Variants in CSNK2A1 observed in about 807,000 individuals in gnomAD.
CSNK2A1 encodes casein kinase 2 alpha 1.
A neutral mutation model predicts 62.9 loss-of-function variants in CSNK2A1; 10 were observed. That is an observed-to-expected ratio of 0.16 (90% CI 0.10 to 0.27). The LOEUF is 0.27. CSNK2A1 is among the 10% of genes least tolerant of loss of function. The pLI, the probability that CSNK2A1 is intolerant of heterozygous loss-of-function variation, is 1.00. For synonymous variants in CSNK2A1, 124 were observed against 167.8 expected (o/e 0.74, Z 2.02); for missense variants, 160 against 492.0 (o/e 0.33, Z 6.38).
At chr20:498,798 T>C (rs1459963110) in intron 6 of CSNK2A1, 2 of 152,358 alleles carry the variant, frequency 1.3e-5, no homozygotes, top group Non-Finnish European at 2.9e-5. Context: ...GTTTGTGTTA[T>C]GGCAGAATTT....
At chr20:542,145 T>C (rs2019463658) in intron 1 of CSNK2A1, among the ~76,000 whole-genome samples, 1 of 152,250 alleles carries the variant, frequency 6.6e-6, no homozygotes, top group South Asian at 2.1e-4. Flanking sequence ...CCCTTTACAG[T>C]GACAGGTAAA....
intron 2 of CSNK2A1, among the ~76,000 whole-genome samples, chr20:513,950 G>A (rs2018776189): frequency 6.6e-6 from 1 of 152,124 alleles, no homozygotes; most frequent in African/African-American, 2.4e-5. Flanking sequence ...TCAAATGGCT[G>A]GCCTTCATTA....
At chr20:525,381 A>C (rs571037469) in intron 2 of CSNK2A1, among the ~76,000 whole-genome samples, 1 of 151,884 alleles carries the variant, frequency 6.6e-6, no homozygotes, top group Admixed American at 6.6e-5. Flanking sequence ...GGCTGGGCGC[A>C]GTGGCTCACG....
At chr20:486,703 G>T (rs1457694681) in intron 12 of CSNK2A1, 2 of 481,938 alleles carry the variant, frequency 4.1e-6, no homozygotes, top group Non-Finnish European at 7.5e-6. Flanking sequence ...GAAAGATGAG[G>T]TAATTATTTA....
chr20:494,210 A>T (rs1270123966), intron 8 of CSNK2A1: 4 of 151,972 alleles, frequency 2.6e-5, no homozygotes, highest in African/African-American at 9.7e-5. Context: ...GTATTTTTTT[A>T]GTAGAGACAG....
intron 1 of CSNK2A1, among the ~76,000 whole-genome samples, chr20:532,424 G>A (rs996708642): frequency 6.7e-5 from 10 of 149,698 alleles, no homozygotes; most frequent in Admixed American, 6.1e-4. Flanking sequence ...TGATCTGCCC[G>A]CCTCGGCCTC....
chr20:539,613 C>T (rs1197762452), intron 1 of CSNK2A1: 1 of 152,208 alleles, frequency 6.6e-6, no homozygotes, highest in Non-Finnish European at 1.5e-5. Context: ...ATTAAATCTA[C>T]TTAACATATT....
chr20:511,979 G>A (rs942022332), intron 2 of CSNK2A1, among the ~76,000 whole-genome samples: 2 of 152,140 alleles, frequency 1.3e-5, no homozygotes, highest in Admixed American at 6.5e-5. Context: ...TACAGCAACT[G>A]TATCATTTTA....
At chr20:535,204 A>G (rs1315645048) in intron 1 of CSNK2A1, among the ~76,000 whole-genome samples, 1 of 152,108 alleles carries the variant, frequency 6.6e-6, no homozygotes. Context: ...AAAAAAATTA[A>G]CAACTACCCA....
At chr20:503,849 A>G (rs1003335229) in intron 4 of CSNK2A1, among the ~76,000 whole-genome samples, 1 of 152,238 alleles carries the variant, frequency 6.6e-6, no homozygotes, top group Non-Finnish European at 1.5e-5. Context: ...ATTTATGTGA[A>G]TAACTTTTTA....
rs761882404 is a variant in CSNK2A1, at chr20:480,373, C to T, written c.*3588G>A. ...CAAGTAGGGTGTTAAATATTTTCCT[C>T]GTGCCATTCCATTCAATACTCTTCG... On this transcript the variant is annotated 3_prime_UTR_variant, in exon 14 of 14. Transcript: ENST00000217244. The T allele has an allele frequency of 4.6e-5, 7 of 151,304 alleles. No individual in the cohort carries two copies. The highest frequency in any genetic ancestry group is 3.2e-3 in the Middle Eastern group (1 of 316). 9.4% of individuals were successfully genotyped at this position (151,304 alleles called of 1,614,324 possible).
chr20:526,219 C>T (rs2019086406), intron 2 of CSNK2A1, among the ~76,000 whole-genome samples: 1 of 152,124 alleles, frequency 6.6e-6, no homozygotes, highest in Non-Finnish European at 1.5e-5. Context: ...TGCCTGTAAT[C>T]CCAACACTTT....
chr20:495,511 T>G (rs1255138510), intron 8 of CSNK2A1: 1 of 492,932 alleles, frequency 2.0e-6, no homozygotes, highest in Non-Finnish European at 3.7e-6. Context: ...TTGCCCACTT[T>G]ACTCATGTTT....
intron 8 of CSNK2A1, among the ~76,000 whole-genome samples, chr20:493,409 T>C (rs1348285104): frequency 1.3e-5 from 2 of 151,956 alleles, no homozygotes; most frequent in African/African-American, 4.8e-5. Flanking sequence ...ACTAAATAGT[T>C]TAATAGTTAT....
At chr20:489,032 C>T (rs140002691) in intron 10 of CSNK2A1, 449 of 349,516 alleles carry the variant, frequency 1.3e-3, no homozygotes, top group African/African-American at 8.6e-3. Flanking sequence ...TTGAAGATGT[C>T]ACTTCTTTTG....
intron 8 of CSNK2A1, among the ~76,000 whole-genome samples, chr20:493,831 A>G (rs992688262): frequency 7.2e-5 from 11 of 152,202 alleles, no homozygotes; most frequent in African/African-American, 2.7e-4. Context: ...AGAATGCTAC[A>G]AAAATGGAGT....
chr20:485,324 A>C (rs1343836673), intron 13 of CSNK2A1, among the ~76,000 whole-genome samples: 3 of 150,820 alleles, frequency 2.0e-5, no homozygotes, highest in African/African-American at 7.3e-5. Context: ...CTGGGATTAA[A>C]GGCGCCGCCG....
intron 3 of CSNK2A1, chr20:506,550 C>T (rs756537498): frequency 1.3e-5 from 2 of 152,128 alleles, no homozygotes; most frequent in African/African-American, 4.8e-5. Context: ...CAATGTAGAG[C>T]GCTTTGCTCT....
Position 481,896 on chromosome 20 carries a change from G to A in CSNK2A1, c.*2065C>T, listed in dbSNP as rs575545003. 1.3e-5 allele frequency: 2 copies of A among 152,170 alleles called. No homozygotes were observed. Among genetic ancestry groups the A allele is most frequent in the African/African-American group, 2.4e-5 (1 of 41,422 alleles). 9.4% of individuals were successfully genotyped at this position (152,170 alleles called of 1,614,324 possible). On this transcript the variant is annotated 3_prime_UTR_variant, in exon 14 of 14. Coordinates refer to ENST00000217244, the MANE Select transcript of CSNK2A1 (RefSeq NM_177559.3). ...CAAATTCAACATGGTAACCCTCACA[G>A]CATTCTAGGGCATAAAAGGGTCAAG...
Sources: allele counts gnomAD v4.1 joint callset (sites outside exome capture counted in the v4.1 genomes callset), GRCh38; gene constraint gnomAD v4.1.1; transcripts MANE v1.5; gene names NCBI Gene and HGNC (gene_info 2026-07-23, HGNC 2026-07-21).